ALG14: variants seen among roughly 807,000 people sequenced by gnomAD.
ALG14 encodes ALG14 UDP-N-acetylglucosaminyltransferase subunit.
A neutral mutation model predicts 22.8 loss-of-function variants in ALG14; 17 were observed. That is an observed-to-expected ratio of 0.75 (90% CI 0.51 to 1.12). The LOEUF is 1.12. ALG14 is among the 50% of genes most tolerant of loss of function. The probability of loss-of-function intolerance (pLI) is 0.00; values close to 1 mark genes in which losing one functional copy is unlikely to be tolerated. For synonymous variants in ALG14, 89 were observed against 103.7 expected (o/e 0.86, Z 0.86); for missense variants, 288 against 271.8 (o/e 1.06, Z -0.42).
intron 3 of ALG14, among the ~76,000 whole-genome samples, chr1:95,017,772 C>T (rs1390170674): frequency 6.6e-6 from 1 of 152,152 alleles, no homozygotes; most frequent in African/African-American, 2.4e-5. Flanking sequence ...ACTCTAATAG[C>T]CACATCGACA....
chr1:95,024,718 A>G (rs1009022607), intron 3 of ALG14, among the ~76,000 whole-genome samples: 1 of 152,198 alleles, frequency 6.6e-6, no homozygotes. Context: ...TGCACAGTAT[A>G]AATCCTATCA....
chr1:94,987,315 C>G (rs1672669015), intron 3 of ALG14, among the ~76,000 whole-genome samples: 1 of 152,176 alleles, frequency 6.6e-6, no homozygotes, highest in East Asian at 1.9e-4. Flanking sequence ...TAGAAGCATA[C>G]TAAGTGACAC....
chr1:95,060,380 TC>T (rs1351857789), intron 2 of ALG14, among the ~76,000 whole-genome samples: 1 of 151,014 alleles, frequency 6.6e-6, no homozygotes, highest in Non-Finnish European at 1.5e-5. Flanking sequence ...AGATGCTTAG[TC>T]CTACATTGCA....
chr1:94,997,767 A>G (rs1454569458), intron 3 of ALG14, among the ~76,000 whole-genome samples: 1 of 152,106 alleles, frequency 6.6e-6, no homozygotes, highest in African/African-American at 2.4e-5. Flanking sequence ...TGCTTTTTTT[A>G]TTTTTAGTTT....
intron 3 of ALG14, among the ~76,000 whole-genome samples, chr1:95,023,305 G>A (rs1357898713): frequency 6.6e-6 from 1 of 152,080 alleles, no homozygotes; most frequent in Non-Finnish European, 1.5e-5. Flanking sequence ...TGTATTTTTA[G>A]TAGAGACAGG....
At chr1:95,013,597 G>C (rs1385384524) in intron 3 of ALG14, among the ~76,000 whole-genome samples, 1 of 152,134 alleles carries the variant, frequency 6.6e-6, no homozygotes, top group Admixed American at 6.6e-5. Context: ...GGGATTACAG[G>C]CGTGAGCCAA....
intron 3 of ALG14, among the ~76,000 whole-genome samples, chr1:94,994,381 G>A (rs1360782602): frequency 2.6e-5 from 4 of 152,222 alleles, no homozygotes. Flanking sequence ...GACAGCTAGA[G>A]CTAGATGAAG....
At chr1:94,998,449 G>C (rs1345809849) in intron 3 of ALG14, among the ~76,000 whole-genome samples, 4 of 152,228 alleles carry the variant, frequency 2.6e-5, no homozygotes, top group Middle Eastern at 3.2e-3. Flanking sequence ...AAACTGGATA[G>C]AGGGACACTA....
chr1:95,021,172 G>GT (rs1246590399), intron 3 of ALG14, among the ~76,000 whole-genome samples: 1 of 152,176 alleles, frequency 6.6e-6, no homozygotes, highest in African/African-American at 2.4e-5. Flanking sequence ...CCTAAAGGCT[G>GT]TAAATGGTCA....
chr1:95,065,096 T>C (rs947130234), intron 1 of ALG14, 79 bp from the exon 2 acceptor site: 109 of 1,322,818 alleles, frequency 8.2e-5, no homozygotes, highest in African/African-American at 1.3e-4. Flanking sequence ...ACCAATATCA[T>C]GGTTTCAGGT....
intron 2 of ALG14, among the ~76,000 whole-genome samples, chr1:95,057,517 A>G (rs1489093548): frequency 6.6e-6 from 1 of 151,614 alleles, no homozygotes; most frequent in African/African-American, 2.4e-5. Flanking sequence ...GTCATCTTAT[A>G]AAAGGGACTT....
At position 94,978,868 on chromosome 1, in the gene ALG14, G is replaced by A. The variant is rs965538884; in HGVS notation, c.*4208C>T. 3.1e-4 allele frequency: 45 copies of A among 145,854 alleles called. No homozygotes were observed. Among genetic ancestry groups the A allele is most frequent in the African/African-American group, 1.0e-3 (41 of 39,160 alleles). The allele number at this position is 145,854 out of a possible 1,614,324, so 9.0% of individuals were successfully genotyped here. ...TTAAAAAAAAAAAAAAACACCTAAC[G>A]TAGCTATTAAGGTAAGCCTGGCTGG... is the stretch of plus-strand genomic sequence containing the variant. On this transcript the variant is annotated 3_prime_UTR_variant, in exon 4 of 4. Coordinates refer to ENST00000370205, the MANE Select transcript of ALG14 (RefSeq NM_144988.4).
chr1:95,037,247 G>A (rs1674230394), intron 2 of ALG14, among the ~76,000 whole-genome samples: 1 of 152,050 alleles, frequency 6.6e-6, no homozygotes, highest in Admixed American at 6.5e-5. Context: ...TTTGCCTCCT[G>A]TCCCCTTCAC....
At chr1:95,025,529 G>A (rs531728272) in intron 3 of ALG14, among the ~76,000 whole-genome samples, 16 of 152,314 alleles carry the variant, frequency 1.1e-4, no homozygotes, top group Admixed American at 5.2e-4. Context: ...CTTTAGCCAC[G>A]AGAGTCCTGA....
Position 95,033,101 on chromosome 1 carries a change from G to A in ALG14, c.289-5841C>T, listed in dbSNP as rs568966285. 4.5e-4 allele frequency among the ~76,000 whole-genome samples: 68 copies of A among 152,144 alleles called. No homozygotes were observed. The South Asian group carries it at 7.7e-3, about 17-fold the overall frequency. ...TCCAAATGAAGGCATCTTTATAGACGTTGTTTTTGTTAGTCTGTACCTTTG... is the reference window on the plus strand; with the variant it reads ...TCCAAATGAAGGCATCTTTATAGACATTGTTTTTGTTAGTCTGTACCTTTG... On this transcript the variant is annotated intron_variant, in intron 2 of 3. Coordinates refer to ENST00000370205, the MANE Select transcript of ALG14 (RefSeq NM_144988.4).
rs1484335953 is a variant in ALG14 at position 95,027,274 on chromosome 1, G to A, written c.289-14C>T. On this transcript the variant is annotated splice_polypyrimidine_tract_variant and intron_variant, in intron 2 of 3. Coordinates refer to ENST00000370205, the MANE Select transcript of ALG14 (RefSeq NM_144988.4). ...GTATTTGGTATACTAGAAGGAAACA[G>A]ATGGAATCCAAATCAACTGAGTCAC... The A allele has an allele frequency of 6.2e-7, 1 of 1,613,326 alleles. No homozygotes were observed.
chr1:95,031,524 A>G (rs1346263123), intron 2 of ALG14, among the ~76,000 whole-genome samples: 1 of 152,182 alleles, frequency 6.6e-6, no homozygotes, highest in Non-Finnish European at 1.5e-5. Context: ...AGTTCAGGTA[A>G]CTGAAAATCC....
rs79137325 is a variant in ALG14 at position 95,031,460 on chromosome 1, G to T, written c.289-4200C>A. 8.8e-3 allele frequency among the ~76,000 whole-genome samples: 1,341 copies of T among 152,274 alleles called. 14 individuals carry two copies. Among genetic ancestry groups the T allele is most frequent in the African/African-American group, 0.031 (1,273 of 41,552 alleles). Reference sequence around the variant, plus strand: ...CTCTGGCTTACAGCTCTAAACTAGAGAAGCTCCACTTCCAAATCCTATCCG... The same window carrying T: ...CTCTGGCTTACAGCTCTAAACTAGATAAGCTCCACTTCCAAATCCTATCCG... On this transcript the variant is annotated intron_variant, in intron 2 of 3. Coordinates refer to ENST00000370205, the MANE Select transcript of ALG14 (RefSeq NM_144988.4).
intron 1 of ALG14, among the ~76,000 whole-genome samples, chr1:95,071,809 C>T (rs1372394485): frequency 6.6e-6 from 1 of 152,218 alleles, no homozygotes; most frequent in Non-Finnish European, 1.5e-5. Flanking sequence ...TTCCTGAAGA[C>T]TGCCATAGCA....
Sources: gnomAD v4.1 joint callset for allele counts (sites outside exome capture counted in the v4.1 genomes callset) on GRCh38, gnomAD v4.1.1 for gene constraint, MANE v1.5 for transcripts, NCBI Gene and HGNC (gene_info 2026-07-23, HGNC 2026-07-21) for gene names.